The following LIMS1 variants were observed in gnomAD, a reference collection of about 807,000 sequenced individuals.
LIMS1 encodes LIM and senescent cell antigen-like-containing domain protein 1.
Under a neutral mutation model 44.1 loss-of-function variants are expected in LIMS1, and 18 were observed. The observed-to-expected ratio is 0.41, with a 90% CI of 0.28 to 0.61. LIMS1 has a LOEUF of 0.61. LIMS1 is among the 20% of genes least tolerant of loss of function. The probability of loss-of-function intolerance (pLI) is 0.32; values close to 1 mark genes in which losing one functional copy is unlikely to be tolerated. For missense variants in LIMS1, 201 were observed against 422.0 expected (o/e 0.48, Z 4.59); for synonymous variants, 93 against 149.1 (o/e 0.62, Z 2.74).
intron 1 of LIMS1, among the ~76,000 whole-genome samples, chr2:108,621,932 T>C (rs1688274119): frequency 6.6e-6 from 1 of 152,158 alleles, no homozygotes; most frequent in Non-Finnish European, 1.5e-5. Flanking sequence ...CTATTCAATG[T>C]AGCCTAGGAA....
chr2:108,536,588 G>A (rs1425859378), intron 1 of LIMS1, among the ~76,000 whole-genome samples: 1 of 152,166 alleles, frequency 6.6e-6, no homozygotes, highest in African/African-American at 2.4e-5. Flanking sequence ...GTTTGTTGTT[G>A]TTTTTGAGAC....
intron 1 of LIMS1, among the ~76,000 whole-genome samples, chr2:108,617,306 C>T (rs1044612571): frequency 1.3e-5 from 2 of 152,086 alleles, no homozygotes; most frequent in Admixed American, 1.3e-4. Flanking sequence ...CAAGTTTAGG[C>T]AAAAATCCAG....
At chr2:108,573,413 G>A (rs1396510425) in intron 1 of LIMS1, among the ~76,000 whole-genome samples, 1 of 151,864 alleles carries the variant, frequency 6.6e-6, no homozygotes, top group East Asian at 1.9e-4. Flanking sequence ...CGTAAGAAAT[G>A]AAAGGAAACT....
intron 2 of LIMS1, among the ~76,000 whole-genome samples, chr2:108,663,851 C>T (rs1167952771): frequency 2.0e-5 from 3 of 152,004 alleles, no homozygotes; most frequent in Non-Finnish European, 4.4e-5. Context: ...ACCTTGCGGC[C>T]TCGAGTGCTT....
chr2:108,589,840 A>G (rs1440350569), intron 1 of LIMS1, among the ~76,000 whole-genome samples: 2 of 151,986 alleles, frequency 1.3e-5, no homozygotes, highest in African/African-American at 2.4e-5. Flanking sequence ...TTAATTTTCC[A>G]TGTCCTCCTG....
intron 9 of LIMS1, among the ~76,000 whole-genome samples, chr2:108,682,234 C>T (rs575695403): frequency 1.7e-4 from 26 of 151,652 alleles, no homozygotes; most frequent in African/African-American, 5.6e-4. Flanking sequence ...ACAATGAGGC[C>T]GGGCATGGTG....
At chr2:108,596,793 C>A (rs536861888) in intron 1 of LIMS1, among the ~76,000 whole-genome samples, 1 of 151,744 alleles carries the variant, frequency 6.6e-6, no homozygotes, top group Non-Finnish European at 1.5e-5. Flanking sequence ...ATTGCACAGC[C>A]TGGACAACAA....
intron 1 of LIMS1, among the ~76,000 whole-genome samples, chr2:108,584,053 T>G (rs1241590177): frequency 3.3e-5 from 5 of 152,130 alleles, no homozygotes; most frequent in Non-Finnish European, 7.4e-5. Flanking sequence ...AAGGGATGGA[T>G]GGAAAAGGCT....
At chr2:108,588,899 T>A (rs1045697952) in intron 1 of LIMS1, among the ~76,000 whole-genome samples, 3 of 152,242 alleles carry the variant, frequency 2.0e-5, no homozygotes, top group African/African-American at 7.2e-5. Context: ...GAAGGGAAAC[T>A]ATGCCTTTTG....
intron 1 of LIMS1, among the ~76,000 whole-genome samples, chr2:108,577,455 G>A (rs1685712074): frequency 2.0e-5 from 3 of 152,306 alleles, no homozygotes; most frequent in South Asian, 4.1e-4. Context: ...TTATCCTTAT[G>A]TGCCCCGTAC....
intron 1 of LIMS1, among the ~76,000 whole-genome samples, chr2:108,561,594 C>T (rs1434267549): frequency 6.6e-6 from 1 of 151,960 alleles, no homozygotes; most frequent in Non-Finnish European, 1.5e-5. Context: ...ATTGTAAAAC[C>T]CTACGTCAAG....
intron 1 of LIMS1, among the ~76,000 whole-genome samples, chr2:108,644,273 T>C (rs1198522414): frequency 6.6e-6 from 1 of 152,130 alleles, no homozygotes; most frequent in Admixed American, 6.5e-5. Context: ...GGCTGGCATC[T>C]GGTGGGTGCC....
intron 1 of LIMS1, among the ~76,000 whole-genome samples, chr2:108,561,724 G>C (rs576519561): frequency 1.9e-4 from 29 of 149,492 alleles, no homozygotes; most frequent in Non-Finnish European, 3.4e-4. Flanking sequence ...GTGGTTCTCT[G>C]TGATCAGCAG....
chr2:108,571,302 A>G (rs1685471689), intron 1 of LIMS1, among the ~76,000 whole-genome samples: 1 of 152,216 alleles, frequency 6.6e-6, no homozygotes. Context: ...AGAAATTGAG[A>G]GCTAAAGATT....
chr2:108,634,371 A>T, intron 1 of LIMS1, among the ~76,000 whole-genome samples: 1 of 152,244 alleles, frequency 6.6e-6, no homozygotes. Context: ...AGAAGAAATA[A>T]TGAGGTAATA....
At chr2:108,579,945 C>A (rs886882055) in intron 1 of LIMS1, among the ~76,000 whole-genome samples, 1 of 152,220 alleles carries the variant, frequency 6.6e-6, no homozygotes, top group African/African-American at 2.4e-5. Context: ...ATGTGACAGG[C>A]AGATCCGCAG....
At chr2:108,645,517 C>T (rs1022889880) in intron 1 of LIMS1, among the ~76,000 whole-genome samples, 2 of 152,084 alleles carry the variant, frequency 1.3e-5, no homozygotes, top group African/African-American at 4.8e-5. Context: ...AAGGAACAAC[C>T]GGTACGAGCC....
At chr2:108,575,287 A>C (rs201670151) in intron 1 of LIMS1, among the ~76,000 whole-genome samples, 1 of 59,892 alleles carries the variant, frequency 1.7e-5, no homozygotes, top group Non-Finnish European at 4.3e-5. Context: ...AAACATAGTT[A>C]TATGCTCGTT....
chr2:108,586,941 A>G (rs1322865063), intron 1 of LIMS1, among the ~76,000 whole-genome samples: 2 of 152,310 alleles, frequency 1.3e-5, no homozygotes, highest in East Asian at 1.9e-4. Context: ...TCCCAAAATA[A>G]AGTAAATAAA....
Sources: gnomAD v4.1 joint callset for allele counts (sites outside exome capture counted in the v4.1 genomes callset) on GRCh38, gnomAD v4.1.1 for gene constraint, MANE v1.5 for transcripts, NCBI Gene and HGNC (gene_info 2026-07-23, HGNC 2026-07-21) for gene names.